The following CHRM4 variants were observed in gnomAD, a reference collection of about 807,000 sequenced individuals.
CHRM4 encodes muscarinic acetylcholine receptor M4.
CHRM4 carries 5 observed loss-of-function variants against 26.3 expected under a neutral mutation model. The observed-to-expected ratio is 0.19, with a 90% CI of 0.10 to 0.40. The LOEUF (loss-of-function observed/expected upper bound fraction) is 0.40. Among genes scored for constraint, CHRM4 ranks in the 10% least tolerant of loss-of-function variants. The pLI is 1.00. For synonymous variants in CHRM4, 290 were observed against 285.3 expected, an observed-to-expected ratio of 1.02 and a Z score of -0.16; for missense variants, 402 against 664.5, an observed-to-expected ratio of 0.60 and a Z score of 4.34.
At chr11:46,387,829 T>C (rs1006349067) in intron 1 of CHRM4, among the ~76,000 whole-genome samples, 1 of 152,192 alleles carries the variant, frequency 6.6e-6, no homozygotes, top group Non-Finnish European at 1.5e-5. Flanking sequence ...AGGGAGGCAG[T>C]GCAGGGGTCA....
In CHRM4 at chr11:46,385,065, T is replaced by G; in HGVS notation, c.*53A>C. Reference sequence around the variant, plus strand: ...TCCCCACAGCAAGTGAGCCGTGTGGTCCCCCCAGCACACGCACGCAACACC... The same window carrying G: ...TCCCCACAGCAAGTGAGCCGTGTGGGCCCCCCAGCACACGCACGCAACACC... On this transcript the variant is annotated 3_prime_UTR_variant, in exon 2 of 2. Transcript: ENST00000682254. The surrounding 1 kb of genome is among the most constrained non-coding windows in gnomAD (Gnocchi z 6.3). The G allele has an allele frequency of 1.3e-6, 2 of 1,507,878 alleles. No individual in the cohort carries two copies. The highest frequency in any genetic ancestry group is 1.8e-6 in the Non-Finnish European group (2 of 1,120,824). 93.4% of individuals were successfully genotyped at this position (1,507,878 alleles called of 1,614,324 possible). A position where few individuals can be genotyped will look rare whatever the true frequency, so the allele number is the denominator to read the frequency against.
rs1945389962 is a variant in CHRM4, at chr11:46,391,309, G to A, written c.-30+222C>T. Among the ~76,000 whole-genome samples, 1 of 152,064 alleles carries A rather than the reference G, an allele frequency of 6.6e-6. No individual in the cohort carries two copies. The highest frequency in any genetic ancestry group is 1.5e-5 in the Non-Finnish European group (1 of 67,978). Reference sequence around the variant, plus strand: ...GGCTGGAGTACAGGGTCCCACCCCCGACGGCTGCCCCTGGCTCCGTGGGGT... The same window carrying A: ...GGCTGGAGTACAGGGTCCCACCCCCAACGGCTGCCCCTGGCTCCGTGGGGT... On this transcript the variant is annotated intron_variant, in intron 1 of 1. Transcript: ENST00000682254. This position sits in a 1 kb window ranked among gnomAD's most constrained non-coding sequence, Gnocchi z 6.3.
rs533484145 is a variant in CHRM4 at position 46,385,699 on chromosome 11, C to T, written c.859G>A (p.Val287Met). 15 of 1,554,206 alleles carry T rather than the reference C, an allele frequency of 9.7e-6. No homozygotes were observed. In the South Asian group the frequency reaches 9.8e-5, roughly 10 times the overall value. ...TCATTGGAAGTGTCCTTATCAGCCA[C>T]GGGGCGCGGTGGCGGTGGCAGCGCT... is the stretch of plus-strand genomic sequence containing the variant. ...PPALPPPPRP[V>M]ADKDTSNESS... Residue 287 changes from valine to methionine, a missense_variant, in exon 2 of 2, where the codon GTG becomes ATG. Physicochemically the swap from Val to Met is conservative, Grantham distance 21 (BLOSUM62 1). Around this residue, in one of 5 missense-constraint regions of CHRM4, gnomAD observed 205 missense variants for 244.0 expected, o/e 0.84. Transcript: ENST00000682254. This position sits in a 1 kb window ranked among gnomAD's most constrained non-coding sequence, Gnocchi z 6.3.
chr11:46,388,162 G>A lies in CHRM4; in HGVS notation c.-29-1576C>T, dbSNP rs1169395953. Among the ~76,000 whole-genome samples the A allele has an allele frequency of 5.9e-5, 9 of 152,278 alleles. No homozygotes were observed. The East Asian group carries it at 1.7e-3, about 29-fold the overall frequency. On this transcript the variant is annotated intron_variant, in intron 1 of 1. Coordinates refer to ENST00000682254, the MANE Select transcript of CHRM4 (RefSeq NM_000741.5). ...CACACACCGCTCCACAGACGCACGC[G>A]GGCCCATCACAGCCACGCCAGCCCA... is the stretch of plus-strand genomic sequence containing the variant.
At position 46,384,148 on chromosome 11, in the gene CHRM4, A is replaced by G. The variant is rs1230939824; in HGVS notation, c.*970T>C. On this transcript the variant is annotated 3_prime_UTR_variant, in exon 2 of 2. Transcript: ENST00000682254. ...GGTCTTTTGATACAACCCACAGCCA[A>G]TCAGGAAGGTTCTACCCATGGGGGA... Among the ~76,000 whole-genome samples, 2 of 152,180 alleles carry G rather than the reference A, an allele frequency of 1.3e-5. No individual in the cohort carries two copies. Among genetic ancestry groups the G allele is most frequent in the Admixed American group, 6.5e-5 (1 of 15,284 alleles).
rs528561592 is a variant in CHRM4, at chr11:46,384,023, A to C, written c.*1095T>G. 3.3e-5 allele frequency among the ~76,000 whole-genome samples: 5 copies of C among 152,304 alleles called. No individual in the cohort carries two copies. The highest frequency in any genetic ancestry group is 3.3e-4 in the Admixed American group (5 of 15,308). ...AGGGTGCTCCCCATCAAGTCACCTA[A>C]GCCTTTCGGTCCTCATCTCCCTCAG... On this transcript the variant is annotated 3_prime_UTR_variant, in exon 2 of 2. Coordinates refer to ENST00000682254, the MANE Select transcript of CHRM4 (RefSeq NM_000741.5).
chr11:46,388,785 G>A (rs1180425772), intron 1 of CHRM4, among the ~76,000 whole-genome samples: 4 of 152,202 alleles, frequency 2.6e-5, no homozygotes, highest in African/African-American at 9.6e-5. Context: ...GGAGGGGACA[G>A]GGCAGGCAGG....
At chr11:46,389,429 C>T (rs1945372128) in intron 1 of CHRM4, among the ~76,000 whole-genome samples, 1 of 152,266 alleles carries the variant, frequency 6.6e-6, no homozygotes, top group Non-Finnish European at 1.5e-5. Flanking sequence ...CCCGACTCCG[C>T]CCCGCCCCAG....
Position 46,391,753 on chromosome 11 carries a change from G to A in CHRM4, c.-252C>T, listed in dbSNP as rs941803903. Among the ~76,000 whole-genome samples, 1 of 150,178 alleles carries A rather than the reference G, an allele frequency of 6.7e-6. No homozygotes were observed. Among genetic ancestry groups the A allele is most frequent in the African/African-American group, 2.4e-5 (1 of 41,174 alleles). On this transcript the variant is annotated 5_prime_UTR_variant, in exon 1 of 2. Coordinates refer to ENST00000682254, the MANE Select transcript of CHRM4 (RefSeq NM_000741.5). The surrounding 1 kb of genome is among the most constrained non-coding windows in gnomAD (Gnocchi z 6.3). The stretch of plus-strand genomic sequence containing the variant: ...GGTGTCGAGGGGCGGCCCCTGCTCC[G>A]CCCGCAGCTCCCGGCGCTGTGGCTC...
chr11:46,391,036 G>A lies in CHRM4; in HGVS notation c.-30+495C>T, dbSNP rs1024068928. Among the ~76,000 whole-genome samples, 1 of 151,992 alleles carries A rather than the reference G, an allele frequency of 6.6e-6. No individual in the cohort carries two copies. The highest frequency in any genetic ancestry group is 2.4e-5 in the African/African-American group (1 of 41,398). ...TTGCGGGGCCGGAGGAGGGGGCCTG[G>A]AGCTGGAGGACCCCGGCTTGGAGGC... On this transcript the variant is annotated intron_variant, in intron 1 of 1. Transcript: ENST00000682254. The surrounding 1 kb of genome is among the most constrained non-coding windows in gnomAD (Gnocchi z 6.3).
intron 1 of CHRM4, among the ~76,000 whole-genome samples, chr11:46,387,019 A>G (rs1945348207): frequency 1.4e-5 from 2 of 143,374 alleles, no homozygotes; most frequent in Admixed American, 1.4e-4. Context: ...AGCCACAGCA[A>G]AGGCCTGGAG....
intron 1 of CHRM4, among the ~76,000 whole-genome samples, chr11:46,390,937 C>T (rs1370196075): frequency 6.6e-6 from 1 of 152,162 alleles, no homozygotes; most frequent in Non-Finnish European, 1.5e-5. Context: ...GTCCCTGGGG[C>T]GGGAGAGGAG....
Position 46,391,387 on chromosome 11 carries a change from ACGGGCGCACC to A in CHRM4, c.-30+134_-30+143del, listed in dbSNP as rs1408486661. The stretch of plus-strand genomic sequence containing the variant: ...ACATCCTGGATGCCCACCCCTTCCC[ACGGGCGCACC>A]CGGGCGCACCTGGAGAAGCCTCCGA... On this transcript the variant is annotated intron_variant, in intron 1 of 1. Coordinates refer to ENST00000682254, the MANE Select transcript of CHRM4 (RefSeq NM_000741.5). This position sits in a 1 kb window ranked among gnomAD's most constrained non-coding sequence, Gnocchi z 6.3. Among the ~76,000 whole-genome samples the A allele has an allele frequency of 6.2e-5, 9 of 144,934 alleles. No individual in the cohort carries two copies. The highest frequency in any genetic ancestry group is 2.0e-4 in the Admixed American group (3 of 14,692).
chr11:46,389,128 TC>T (rs1049508671), intron 1 of CHRM4, among the ~76,000 whole-genome samples: 1 of 152,146 alleles, frequency 6.6e-6, no homozygotes, highest in African/African-American at 2.4e-5. Flanking sequence ...CCCGGGAAGC[TC>T]CTTCTTAAAG....
intron 1 of CHRM4, among the ~76,000 whole-genome samples, chr11:46,387,210 CA>C (rs1266790752): frequency 6.6e-6 from 1 of 152,204 alleles, no homozygotes; most frequent in Non-Finnish European, 1.5e-5. Context: ...GACACTGGGA[CA>C]AAGGCAATAA....
chr11:46,389,237 G>C (rs1395378603), intron 1 of CHRM4, among the ~76,000 whole-genome samples: 1 of 152,178 alleles, frequency 6.6e-6, no homozygotes, highest in Non-Finnish European at 1.5e-5. Flanking sequence ...CTTGGGTAGG[G>C]TCCCCTCACA....
rs1165808073 is a variant in CHRM4 at position 46,385,615 on chromosome 11, T to TGGACAGCTCTGTGGC, written c.928_942dup (p.Ala310_Ser314dup). On this transcript the variant is annotated inframe_insertion, in exon 2 of 2. Coordinates refer to ENST00000682254, the MANE Select transcript of CHRM4 (RefSeq NM_000741.5). This position sits in a 1 kb window ranked among gnomAD's most constrained non-coding sequence, Gnocchi z 6.3. ...ATGGCGGGCGTGGTGGCCTCTGTGG[T>TGGACAGCTCTGTGGC]GGACAGCTCTGTGGCTGGGCGTTCC... 1 of 1,541,548 alleles carries TGGACAGCTCTGTGGC rather than the reference T, an allele frequency of 6.5e-7. No homozygotes were observed. Among genetic ancestry groups the TGGACAGCTCTGTGGC allele is most frequent in the Non-Finnish European group, 8.7e-7 (1 of 1,143,288 alleles).
rs745344508 is a variant in CHRM4 at position 46,385,612 on chromosome 11, T to G, written c.946A>C (p.Thr316Pro). The change falls in exon 2 of 2, where the codon ACA (threonine) becomes CCA (proline). Residue 316 changes from threonine to proline, a missense_variant. Thr to Pro is a conservative substitution (Grantham distance 38). Around this residue, in one of 5 missense-constraint regions of CHRM4, gnomAD observed 205 missense variants for 244.0 expected, o/e 0.84. Transcript: ENST00000682254. The surrounding 1 kb of genome is among the most constrained non-coding windows in gnomAD (Gnocchi z 6.3). Reference protein sequence around the residue: ...KERPATELSTTEATTPAMPAP... With the variant: ...KERPATELSTPEATTPAMPAP... ...GGCATGGCGGGCGTGGTGGCCTCTG[T>G]GGTGGACAGCTCTGTGGCTGGGCGT... is the stretch of plus-strand genomic sequence containing the variant. The G allele has an allele frequency of 6.5e-7, 1 of 1,545,210 alleles. No homozygotes were observed. Among genetic ancestry groups the G allele is most frequent in the South Asian group, 1.2e-5 (1 of 80,626 alleles).
Position 46,385,702 on chromosome 11 carries a change from G to A in CHRM4, c.856C>T (p.Pro286Ser). Residue 286 changes from proline (P) to serine (S), a missense_variant, in exon 2 of 2, where the codon CCC becomes TCC. Pro to Ser is a moderately conservative substitution (Grantham distance 74, BLOSUM62 -1). Coordinates refer to ENST00000682254, the MANE Select transcript of CHRM4 (RefSeq NM_000741.5). This position sits in a 1 kb window ranked among gnomAD's most constrained non-coding sequence, Gnocchi z 6.3. ...TTGGAAGTGTCCTTATCAGCCACGG[G>A]GCGCGGTGGCGGTGGCAGCGCTGGC... ...PPPALPPPPR[P>S]VADKDTSNES... 3.9e-6 allele frequency: 6 copies of A among 1,558,042 alleles called. No homozygotes were observed. The highest frequency in any genetic ancestry group is 4.3e-6 in the Non-Finnish European group (5 of 1,154,144).
Sources: allele counts gnomAD v4.1 joint callset (sites outside exome capture counted in the v4.1 genomes callset), GRCh38; gene constraint gnomAD v4.1.1; regional missense constraint gnomAD v4.1.1; non-coding constraint Gnocchi (gnomAD v3.1); transcripts MANE v1.5; gene names NCBI Gene and HGNC (gene_info 2026-07-23, HGNC 2026-07-21).